The following ZBTB38 variants were observed in gnomAD, a reference collection of about 807,000 sequenced individuals.
ZBTB38 encodes zinc finger and BTB domain-containing protein 38.
ZBTB38 carries 20 observed loss-of-function variants against 76.8 expected under a neutral mutation model. That is an observed-to-expected ratio of 0.26 (90% CI 0.18 to 0.38). The LOEUF is 0.38. Ranked by LOEUF, ZBTB38 falls within the 10% of genes least tolerant of loss-of-function variation. ZBTB38 has a pLI of 1.00. For missense variants in ZBTB38, 1,082 were observed against 1,482.3 expected, an observed-to-expected ratio of 0.73 and a Z score of 4.43; for synonymous variants, 504 against 544.2, an observed-to-expected ratio of 0.93 and a Z score of 1.03.
intron 5 of ZBTB38, among the ~76,000 whole-genome samples, chr3:141,434,899 A>C (rs1056290384): frequency 6.6e-6 from 1 of 151,892 alleles, no homozygotes; most frequent in African/African-American, 2.4e-5. Context: ...TTGGGAGGCC[A>C]AGGTGGGAGG....
At chr3:141,409,163 A>G (rs149720422) in intron 5 of ZBTB38, among the ~76,000 whole-genome samples, 2,881 of 152,170 alleles carry the variant, frequency 0.019, 52 homozygotes, top group Middle Eastern at 0.092. Flanking sequence ...TTCCTGTCTC[A>G]GCCTCCCAAG....
At chr3:141,330,612 C>G (rs185760954) in intron 1 of ZBTB38, among the ~76,000 whole-genome samples, 1 of 152,352 alleles carries the variant, frequency 6.6e-6, no homozygotes. Flanking sequence ...GTTCTTGCCA[C>G]CCTGCCCAAA....
intron 1 of ZBTB38, among the ~76,000 whole-genome samples, chr3:141,359,311 G>C (rs1943753124): frequency 2.0e-5 from 3 of 152,168 alleles, no homozygotes; most frequent in Non-Finnish European, 4.4e-5. Context: ...TTTAAGGAAA[G>C]AAACTTTTTC....
At chr3:141,409,991 T>G (rs1956104917) in intron 5 of ZBTB38, among the ~76,000 whole-genome samples, 1 of 152,208 alleles carries the variant, frequency 6.6e-6, no homozygotes, top group Non-Finnish European at 1.5e-5. Flanking sequence ...GCCTAGGAAT[T>G]GTTCCCAGCA....
At chr3:141,410,348 C>G (rs1956239501) in intron 5 of ZBTB38, among the ~76,000 whole-genome samples, 1 of 152,114 alleles carries the variant, frequency 6.6e-6, no homozygotes. Context: ...TCATGGTTTT[C>G]AAATTTAATG....
intron 4 of ZBTB38, chr3:141,396,211 A>G (rs1225079978): frequency 6.6e-6 from 1 of 152,230 alleles, no homozygotes; most frequent in Admixed American, 6.5e-5. Flanking sequence ...TTGCTTCATC[A>G]ACTAAATTTA....
intron 3 of ZBTB38, among the ~76,000 whole-genome samples, chr3:141,382,650 T>G (rs751616706): frequency 1.3e-5 from 2 of 152,248 alleles, no homozygotes; most frequent in Non-Finnish European, 2.9e-5. Flanking sequence ...AAATATTTAC[T>G]CTGCTTTCTA....
At chr3:141,436,255 A>T (rs1577447476) in intron 5 of ZBTB38, among the ~76,000 whole-genome samples, 1 of 152,146 alleles carries the variant, frequency 6.6e-6, no homozygotes, top group African/African-American at 2.4e-5. Flanking sequence ...GATATCCTTC[A>T]AGTAAGTATG....
intron 4 of ZBTB38, chr3:141,396,578 C>T: frequency 5.1e-6 from 1 of 197,004 alleles, no homozygotes; most frequent in Non-Finnish European, 1.1e-5. Flanking sequence ...GAATCCTTTC[C>T]CAAAGGTTTT....
chr3:141,444,356 A>T lies in ZBTB38; in HGVS notation c.1968A>T (p.Gly656=). 6.2e-7 allele frequency: 1 copy of T among 1,614,178 alleles called. No homozygotes were observed. Among genetic ancestry groups the T allele is most frequent in the African/African-American group, 1.3e-5 (1 of 75,050 alleles). The change falls in exon 6 of 6, where the codon GGA becomes GGT. Residue 656 remains glycine, a synonymous_variant. Coordinates refer to ENST00000321464, the MANE Select transcript of ZBTB38 (RefSeq NM_001376113.1). The surrounding 1 kb of genome is among the most constrained non-coding windows in gnomAD (Gnocchi z 5.1). ...NVQNAEGTKW[G]EEALKMDLDN... ...AAAATGCAGAGGGTACCAAATGGGG[A>T]GAGGAGGCATTGAAAATGGATCTTG...
chr3:141,393,227 T>G (rs954300723), intron 4 of ZBTB38, among the ~76,000 whole-genome samples: 3 of 152,230 alleles, frequency 2.0e-5, no homozygotes, highest in Non-Finnish European at 4.4e-5. Flanking sequence ...TGCTGCCAAA[T>G]GGATATTTTG....
At chr3:141,388,132 A>G (rs918042175) in intron 4 of ZBTB38, 10 of 152,080 alleles carry the variant, frequency 6.6e-5, no homozygotes, top group African/African-American at 2.4e-4. Flanking sequence ...CATATATATG[A>G]TAGGTGTGGT....
chr3:141,344,574 G>A (rs1282832285), intron 1 of ZBTB38, among the ~76,000 whole-genome samples: 1 of 152,074 alleles, frequency 6.6e-6, no homozygotes, highest in African/African-American at 2.4e-5. Context: ...GGGTCTCACT[G>A]TGTTTCCCAG....
intron 5 of ZBTB38, among the ~76,000 whole-genome samples, chr3:141,422,136 G>A (rs2075521923): frequency 6.6e-6 from 1 of 152,222 alleles, no homozygotes; most frequent in Admixed American, 6.5e-5. Flanking sequence ...CTAAGCCCAT[G>A]ACACCTGAAA....
intron 5 of ZBTB38, among the ~76,000 whole-genome samples, chr3:141,410,230 T>A (rs886804865): frequency 6.6e-6 from 1 of 152,228 alleles, no homozygotes; most frequent in African/African-American, 2.4e-5. Flanking sequence ...CTTTGGGTTC[T>A]GCCTTTAACC....
rs1576665532 is a variant in ZBTB38, at chr3:141,351,584, A to T, written c.-738-17037A>T. ...CCTGTCACTACAAAAAAAAATTTTTAAAGCCAGGCACAGTGGCACATGCCT... is the reference window on the plus strand; with the variant it reads ...CCTGTCACTACAAAAAAAAATTTTTTAAGCCAGGCACAGTGGCACATGCCT... On this transcript the variant is annotated intron_variant, in intron 1 of 7. Coordinates refer to the ZBTB38 transcript ENST00000509842. Among the ~76,000 whole-genome samples, 5 of 151,994 alleles carry T rather than the reference A, an allele frequency of 3.3e-5. No individual in the cohort carries two copies. The South Asian group carries it at 6.2e-4, about 19-fold the overall frequency.
intron 4 of ZBTB38, chr3:141,389,443 C>A (rs1948147979): frequency 6.9e-6 from 1 of 144,916 alleles, no homozygotes; most frequent in Non-Finnish European, 1.5e-5. Context: ...ACCCTTCCTG[C>A]AACACCTTTT....
intron 1 of ZBTB38, among the ~76,000 whole-genome samples, chr3:141,332,734 C>T (rs569037628): frequency 6.6e-6 from 1 of 152,274 alleles, no homozygotes; most frequent in South Asian, 2.1e-4. Flanking sequence ...AAAGAAGAAA[C>T]CCAGAGGGCA....
intron 5 of ZBTB38, among the ~76,000 whole-genome samples, chr3:141,424,530 A>T (rs967571144): frequency 6.6e-6 from 1 of 152,196 alleles, no homozygotes; most frequent in Admixed American, 6.5e-5. Flanking sequence ...TAAAAAAAAT[A>T]AAAATAAAAA....
Sources: allele counts gnomAD v4.1 joint callset (sites outside exome capture counted in the v4.1 genomes callset), GRCh38; gene constraint gnomAD v4.1.1; non-coding constraint Gnocchi (gnomAD v3.1); transcripts MANE v1.5; gene names NCBI Gene and HGNC (gene_info 2026-07-23, HGNC 2026-07-21).